DIP2A: variants seen among roughly 807,000 people sequenced by gnomAD.
DIP2A encodes the protein disco-interacting protein 2 homolog A.
Under a neutral mutation model 177.4 loss-of-function variants are expected in DIP2A, and 85 were observed. The observed-to-expected ratio is 0.48, with a 90% CI of 0.40 to 0.57. DIP2A has a LOEUF of 0.57. Ranked by LOEUF, DIP2A falls within the 20% of genes least tolerant of loss-of-function variation. DIP2A has a pLI of 0.00. For missense variants in DIP2A, 1,791 were observed against 2,100.2 expected, an observed-to-expected ratio of 0.85 and a Z score of 2.88; for synonymous variants, 886 against 881.8, an observed-to-expected ratio of 1.00 and a Z score of -0.08.
chr21:46,494,423 G>A (rs1344540935), intron 3 of DIP2A, among the ~76,000 whole-genome samples: 2 of 152,132 alleles, frequency 1.3e-5, no homozygotes, highest in African/African-American at 4.8e-5. Context: ...AGGCCTGTTG[G>A]GCCTGACTCT....
intron 32 of DIP2A, chr21:46,559,178 T>G (rs1010839815): frequency 6.6e-6 from 1 of 152,030 alleles, no homozygotes; most frequent in Admixed American, 6.6e-5. Flanking sequence ...TTCTGTTTAT[T>G]GCTTCCTCAG....
chr21:46,500,137 G>GT (rs1487131849), intron 5 of DIP2A, among the ~76,000 whole-genome samples: 1 of 152,144 alleles, frequency 6.6e-6, no homozygotes, highest in African/African-American at 2.4e-5. Flanking sequence ...GTTTTTGTTT[G>GT]TTTGAGTCAG....
rs59574579 is a variant in DIP2A, at chr21:46,519,855, A to ATTTTTTTTTTTTTT, written c.1102+8265_1102+8278dup. Among the ~76,000 whole-genome samples the ATTTTTTTTTTTTTT allele has an allele frequency of 1.3e-4, 7 of 53,018 alleles. 2 individuals are homozygous for ATTTTTTTTTTTTTT. Among genetic ancestry groups the ATTTTTTTTTTTTTT allele is most frequent in the Admixed American group, 2.7e-4 (1 of 3,664 alleles). The allele number at this position is 53,018 out of a possible 152,430, so 34.8% of individuals were successfully genotyped here. A position where few individuals can be genotyped will look rare whatever the true frequency, so the allele number is the denominator to read the frequency against. ...GCCCAGAATTAGAATATTGATCTAGATTTTTTTTTTTTTTTTTTTTTTTTT... is the reference window on the plus strand; with the variant it reads ...GCCCAGAATTAGAATATTGATCTAGATTTTTTTTTTTTTTTTTTTTTTTTTTTTTTTTTTTTTTT... On this transcript the variant is annotated intron_variant, in intron 8 of 37. Transcript: ENST00000417564.
chr21:46,463,997 C>T (rs1340662977), intron 1 of DIP2A, among the ~76,000 whole-genome samples: 3 of 151,560 alleles, frequency 2.0e-5, no homozygotes, highest in African/African-American at 7.3e-5. Context: ...CATGAGCCAT[C>T]GCGCCTGGCC....
downstream of DIP2A, among the ~76,000 whole-genome samples, chr21:46,572,559 G>T (rs1444662068): frequency 6.6e-6 from 1 of 152,132 alleles, no homozygotes; most frequent in Non-Finnish European, 1.5e-5. Flanking sequence ...GAATGGGGCT[G>T]ATGGCTTTGT....
chr21:46,504,420 C>T lies in DIP2A; in HGVS notation c.715C>T (p.Arg239Cys), dbSNP rs778014102. The T allele has an allele frequency of 5.6e-6, 9 of 1,613,718 alleles. No individual in the cohort carries two copies. The highest frequency in any genetic ancestry group is 1.6e-4 in the Middle Eastern group (1 of 6,072). The change falls in exon 6 of 38, where the codon CGT becomes TGT. Residue 239 changes from arginine (R) to cysteine (C), a missense_variant. Coordinates refer to ENST00000417564, the MANE Select transcript of DIP2A (RefSeq NM_015151.4). ...TGLVEHSYFE[R>C]PQVASVRSVP... ...CCTCGTGGAGCATTCGTACTTTGAG[C>T]GTCCACAGGTGGCTTCTGTGAGAAG...
chr21:46,556,111 G>A lies in DIP2A; in HGVS notation c.3498+20G>A. 1 of 1,598,740 alleles carries A rather than the reference G, an allele frequency of 6.3e-7. No homozygotes were observed. Among genetic ancestry groups the A allele is most frequent in the East Asian group, 2.2e-5 (1 of 44,814 alleles). ...GTGAAGGTAGGTCCTCTGAAATCTT[G>A]TTTGCTTCAGCCCCTAGAAATCAGG... On this transcript the variant is annotated intron_variant, in intron 29 of 37. Coordinates refer to ENST00000417564, the MANE Select transcript of DIP2A (RefSeq NM_015151.4). The surrounding 1 kb of genome is among the most constrained non-coding windows in gnomAD (Gnocchi z 4.5).
At position 46,459,043 on chromosome 21, in the gene DIP2A, C is replaced by G; in HGVS notation, c.-89C>G. The G allele has an allele frequency of 2.6e-6, 3 of 1,133,424 alleles. No homozygotes were observed. Among genetic ancestry groups the G allele is most frequent in the Non-Finnish European group, 3.5e-6 (3 of 851,198 alleles). The allele number at this position is 1,133,424 out of a possible 1,614,324, so 70.2% of individuals were successfully genotyped here. A position where few individuals can be genotyped will look rare whatever the true frequency, so the allele number is the denominator to read the frequency against. ...CGCCTGGCGGATGTAGGTTGTTGGC[C>G]TGAGGGGAGCTACGTAGCCGAGGTT... On this transcript the variant is annotated 5_prime_UTR_variant, in exon 1 of 38. Transcript: ENST00000417564.
At chr21:46,575,898 T>C in the DIP2A span, among the ~76,000 whole-genome samples, 1 of 152,178 alleles carries the variant, frequency 6.6e-6, no homozygotes, top group Non-Finnish European at 1.5e-5. Context: ...ACTAACTCAT[T>C]CTAAAATTGA....
In DIP2A at chr21:46,556,748, A is replaced by C. The variant is rs141016812; in HGVS notation, c.3499-191A>C. 3.8e-4 allele frequency: 206 copies of C among 544,618 alleles called. No homozygotes were observed. The highest frequency in any genetic ancestry group is 3.6e-3 in the African/African-American group (191 of 52,420). The allele number at this position is 544,618 out of a possible 1,614,324, so 33.7% of individuals were successfully genotyped here. On this transcript the variant is annotated intron_variant, in intron 29 of 37. Coordinates refer to ENST00000417564, the MANE Select transcript of DIP2A (RefSeq NM_015151.4). The surrounding 1 kb of genome is among the most constrained non-coding windows in gnomAD (Gnocchi z 4.5). Reference sequence around the variant, plus strand: ...CTGAAATTTTGTTTCAAAGATTTTTAGTGTACCATTTCTTGGGTATTATTT... The same window carrying C: ...CTGAAATTTTGTTTCAAAGATTTTTCGTGTACCATTTCTTGGGTATTATTT...
chr21:46,471,690 A>T lies in DIP2A; in HGVS notation c.91+12468A>T, dbSNP rs77822883. Among the ~76,000 whole-genome samples the T allele has an allele frequency of 5.9e-3, 899 of 152,360 alleles. 3 individuals are homozygous for T. Among genetic ancestry groups the T allele is most frequent in the Non-Finnish European group, 9.1e-3 (616 of 68,034 alleles). On this transcript the variant is annotated intron_variant, in intron 1 of 37. Transcript: ENST00000417564. ...ATTGTGTATTGATAGATTATCACTT[A>T]GACTAATGTACCCAAGGGTCTCCCT...
rs753866585 is a variant in DIP2A at position 46,565,816 on chromosome 21, C to A, written c.4268C>A (p.Thr1423Lys). 2 of 1,614,020 alleles carry A rather than the reference C, an allele frequency of 1.2e-6. No individual in the cohort carries two copies. The highest frequency in any genetic ancestry group is 1.7e-6 in the Non-Finnish European group (2 of 1,179,902). The change falls in exon 36 of 38, where the codon ACA becomes AAA. Residue 1423 changes from threonine to lysine, a missense_variant. Thr to Lys is a moderately conservative substitution (Grantham distance 78). Transcript: ENST00000417564. Reference protein sequence around the residue: ...HFSARLSFGDTQTIWARTGYL... With the variant: ...HFSARLSFGDKQTIWARTGYL... ...AGTGCCCGGCTGAGTTTTGGAGACA[C>A]ACAGACCATCTGGGCAAGGACCGGC... is the stretch of plus-strand genomic sequence containing the variant.
chr21:46,490,605 G>A lies in DIP2A; in HGVS notation c.169G>A (p.Asp57Asn), dbSNP rs1327052613. 2 of 1,563,720 alleles carry A rather than the reference G, an allele frequency of 1.3e-6. No individual in the cohort carries two copies. The highest frequency in any genetic ancestry group is 1.4e-5 in the African/African-American group (1 of 73,768). Residue 57 changes from aspartate (D) to asparagine (N), a missense_variant, in exon 3 of 38, where the codon GAC (aspartate) becomes AAC (asparagine). Transcript: ENST00000417564. Reference protein sequence around the residue: ...ARYIPLIQGIDPSLQAENRIP... With the variant: ...ARYIPLIQGINPSLQAENRIP... ...CCCATAAAATTGTGTTTCAGGAATA[G>A]ACCCATCTCTGCAAGCAGAGAATAG...
intron 21 of DIP2A, among the ~76,000 whole-genome samples, chr21:46,548,754 T>C (rs115835951): frequency 0.19 from 28,254 of 151,946 alleles, 3,105 homozygotes; most frequent in African/African-American, 0.3. Flanking sequence ...TAGTGGTGGT[T>C]AGGGATTGTC....
chr21:46,502,346 G>A (rs773314599), intron 5 of DIP2A, among the ~76,000 whole-genome samples: 3 of 150,604 alleles, frequency 2.0e-5, no homozygotes, highest in Non-Finnish European at 4.4e-5. Flanking sequence ...TGCCCAGGCT[G>A]ATCTCAAATT....
At position 46,461,897 on chromosome 21, in the gene DIP2A, C is replaced by CAA. The variant is rs34255178; in HGVS notation, c.91+2689_91+2690dup. Among the ~76,000 whole-genome samples, 444 of 138,692 alleles carry CAA rather than the reference C, an allele frequency of 3.2e-3. 2 individuals are homozygous for CAA. The highest frequency in any genetic ancestry group is 5.8e-3 in the African/African-American group (219 of 37,650). The allele number at this position is 138,692 out of a possible 152,430, so 91.0% of individuals were successfully genotyped here. On this transcript the variant is annotated intron_variant, in intron 1 of 37. Coordinates refer to ENST00000417564, the MANE Select transcript of DIP2A (RefSeq NM_015151.4). ...CAACATAGGGAGACCCTGCCTCTTC[C>CAA]AAAAAAAAAAAAAAATTGGCTGGGC...
chr21:46,513,196 C>T (rs1008162611), intron 8 of DIP2A, among the ~76,000 whole-genome samples: 1 of 151,736 alleles, frequency 6.6e-6, no homozygotes, highest in Admixed American at 6.6e-5. Flanking sequence ...CCTGCATGCT[C>T]TTCTAAAACC....
chr21:46,573,297 A>G (rs527630183), downstream of DIP2A, among the ~76,000 whole-genome samples: 2 of 152,256 alleles, frequency 1.3e-5, no homozygotes, highest in East Asian at 3.9e-4. Context: ...AACAGGATCT[A>G]ACTGTATGCT....
Position 46,561,841 on chromosome 21 carries a change from G to T in DIP2A, c.4089+36G>T, listed in dbSNP as rs369061812. The T allele has an allele frequency of 3.1e-6, 5 of 1,611,790 alleles. No homozygotes were observed. In the South Asian group the frequency reaches 5.5e-5, roughly 18 times the overall value. On this transcript the variant is annotated intron_variant, in intron 34 of 37. Transcript: ENST00000417564. ...CCAAGACGCGTGCATTCTGAGTCGC[G>T]TCTGAGACCTTTGTCTGAAGCATCA...
Sources: allele counts gnomAD v4.1 joint callset (sites outside exome capture counted in the v4.1 genomes callset), GRCh38; gene constraint gnomAD v4.1.1; non-coding constraint Gnocchi (gnomAD v3.1); transcripts MANE v1.5; gene names NCBI Gene and HGNC (gene_info 2026-07-23, HGNC 2026-07-21).